KRAS: variants seen among roughly 807,000 people sequenced by gnomAD.
KRAS encodes the protein KRas proto-oncogene, GTPase.
A neutral mutation model predicts 21.0 loss-of-function variants in KRAS; 1 was observed. The ratio of observed to expected loss-of-function variants is 0.05; its 90% confidence interval spans 0.02 to 0.23. The LOEUF is 0.23. Ranked by LOEUF, KRAS falls within the 10% of genes least tolerant of loss-of-function variation. The pLI, the probability that KRAS is intolerant of heterozygous loss-of-function variation, is 1.00. For synonymous variants in KRAS, 67 were observed against 72.5 expected (o/e 0.92, Z 0.39); for missense variants, 107 against 221.8 (o/e 0.48, Z 3.29).
In KRAS at chr12:25,246,059, A is replaced by C. The variant is rs547507658; in HGVS notation, c.-11-664T>G. Among the ~76,000 whole-genome samples, 6 of 150,728 alleles carry C rather than the reference A, an allele frequency of 4.0e-5. No individual in the cohort carries two copies. In the South Asian group the frequency reaches 6.3e-4, roughly 16 times the overall value. ...TTGACGACATTTTAATGTGTGAAAT[A>C]TCTCTGGGGAAAATAGGAGTCCGAG... On this transcript the variant is annotated intron_variant, in intron 1 of 4. Coordinates refer to ENST00000311936, the MANE Select transcript of KRAS (RefSeq NM_004985.5).
rs1024398937 is a variant in KRAS, at chr12:25,205,440, A to C, written c.*4355T>G. On this transcript the variant is annotated 3_prime_UTR_variant, in exon 5 of 5. Coordinates refer to ENST00000311936, the MANE Select transcript of KRAS (RefSeq NM_004985.5). ...AGGTCAGCGCAACCAAATGATGGAA[A>C]ACAACTGGATCACACTGCATATGTC... is the stretch of plus-strand genomic sequence containing the variant. 1 of 214,974 alleles carries C rather than the reference A, an allele frequency of 4.7e-6. No individual in the cohort carries two copies. The highest frequency in any genetic ancestry group is 2.3e-5 in the African/African-American group (1 of 44,356). The allele number at this position is 214,974 out of a possible 1,614,324, so 13.3% of individuals were successfully genotyped here.
chr12:25,217,172 G>A (rs1337271160), intron 4 of KRAS, among the ~76,000 whole-genome samples: 1 of 152,146 alleles, frequency 6.6e-6, no homozygotes, highest in Non-Finnish European at 1.5e-5. Flanking sequence ...CAGAGAATTG[G>A]CAACTAAGTA....
intron 4 of KRAS, 39 bp from the exon 5 acceptor site, chr12:25,209,950 G>A (rs1016817848): frequency 1.5e-5 from 23 of 1,502,654 alleles, no homozygotes; most frequent in Middle Eastern, 3.4e-4. Context: ...GAATATATAC[G>A]ATGGCTTCAT....
chr12:25,221,310 A>G (rs1428783808), intron 4 of KRAS, among the ~76,000 whole-genome samples: 1 of 149,600 alleles, frequency 6.7e-6, no homozygotes, highest in Non-Finnish European at 1.5e-5. Context: ...TGGGCTCACT[A>G]CAGCCTCTGC....
Position 25,245,228 on chromosome 12 carries a change from A to C in KRAS, c.111+46T>G, listed in dbSNP as rs199716819. On this transcript the variant is annotated intron_variant, in intron 2 of 4. Transcript: ENST00000311936. ...GTCAGAGAAACCTTTATCTGTATCAAAGAATGGTCCTGCACCAGTAATATG... is the reference window on the plus strand; with the variant it reads ...GTCAGAGAAACCTTTATCTGTATCACAGAATGGTCCTGCACCAGTAATATG... 2.4e-3 allele frequency: 3,716 copies of C among 1,558,012 alleles called. 7 individuals carry two copies. The highest frequency in any genetic ancestry group is 2.8e-3 in the Non-Finnish European group (3,225 of 1,146,600).
chr12:25,246,147 C>CAAA (rs35617676), intron 1 of KRAS, among the ~76,000 whole-genome samples: 39 of 84,390 alleles, frequency 4.6e-4, no homozygotes, highest in African/African-American at 8.2e-4. Context: ...GACTCCGTCT[C>CAAA]AAAAAAAAAA....
intron 2 of KRAS, among the ~76,000 whole-genome samples, chr12:25,241,684 A>G (rs1482164414): frequency 6.6e-6 from 1 of 152,174 alleles, no homozygotes; most frequent in Non-Finnish European, 1.5e-5. Context: ...TTTCCCGTGC[A>G]CTGCAGGAAG....
At chr12:25,232,904 T>C (rs1308961152) in intron 2 of KRAS, among the ~76,000 whole-genome samples, 1 of 152,188 alleles carries the variant, frequency 6.6e-6, no homozygotes, top group East Asian at 1.9e-4. Context: ...TCTAAAGTCA[T>C]TCAAATGTTC....
intron 3 of KRAS, among the ~76,000 whole-genome samples, 172 bp from the exon 4 acceptor site, chr12:25,225,945 T>C (rs1951387169): frequency 6.6e-6 from 1 of 152,168 alleles, no homozygotes; most frequent in Admixed American, 6.5e-5. Context: ...TCTTTACCTT[T>C]TTAAACAGAA....
intron 4 of KRAS, among the ~76,000 whole-genome samples, chr12:25,217,885 C>A (rs373346531): frequency 1.3e-5 from 2 of 152,176 alleles, no homozygotes; most frequent in African/African-American, 4.8e-5. Flanking sequence ...CAGAGCAAGA[C>A]CCTGTCTCTA....
At chr12:25,217,135 A>C (rs756272423) in intron 4 of KRAS, among the ~76,000 whole-genome samples, 17 of 152,186 alleles carry the variant, frequency 1.1e-4, no homozygotes, top group Non-Finnish European at 1.6e-4. Context: ...CACCAGTACC[A>C]TTTGCAGTTT....
At position 25,214,634 on chromosome 12, in the gene KRAS, C is replaced by A. The variant is rs189238832; in HGVS notation, c.451-4723G>T. Among the ~76,000 whole-genome samples, 72 of 152,148 alleles carry A rather than the reference C, an allele frequency of 4.7e-4. 1 individual carries two copies. The highest frequency in any genetic ancestry group is 6.9e-4 in the Non-Finnish European group (47 of 67,978). ...GAACTCCTGACCTCAGGTGATCACC[C>A]GCCTAGGCCTCCCAAAGTGCTGGGA... On this transcript the variant is annotated intron_variant, in intron 4 of 4. Coordinates refer to ENST00000311936, the MANE Select transcript of KRAS (RefSeq NM_004985.5).
intron 4 of KRAS, among the ~76,000 whole-genome samples, chr12:25,221,234 CTTT>C (rs34499686): frequency 1.4e-5 from 2 of 138,820 alleles, no homozygotes. Flanking sequence ...CAGCCACAGC[CTTT>C]TTTTTTTTTT....
intron 3 of KRAS, among the ~76,000 whole-genome samples, chr12:25,226,545 ATACAG>A (rs1951394313): frequency 6.6e-6 from 1 of 152,198 alleles, no homozygotes; most frequent in African/African-American, 2.4e-5. Flanking sequence ...TTACTAGACT[ATACAG>A]TAAACATGCT....
chr12:25,249,988 G>A (rs920820782), intron 1 of KRAS, among the ~76,000 whole-genome samples: 1 of 152,170 alleles, frequency 6.6e-6, no homozygotes, highest in African/African-American at 2.4e-5. Context: ...TACGTGTAGG[G>A]TGTTGGCCAC....
chr12:25,209,988 G>T, intron 4 of KRAS, 77 bp from the exon 5 acceptor site: 1 of 1,033,824 alleles, frequency 9.7e-7, no homozygotes, highest in Non-Finnish European at 1.4e-6. Context: ...TTCATTAATG[G>T]AAAAAATATT....
intron 2 of KRAS, 117 bp from the exon 3 acceptor site, chr12:25,227,529 A>C: frequency 1.1e-6 from 1 of 873,220 alleles, no homozygotes. Flanking sequence ...GGACTTGAAA[A>C]GACATTGTTC....
chr12:25,206,239 T>TA lies in KRAS; in HGVS notation c.*3555dup, dbSNP rs1412597997. On this transcript the variant is annotated 3_prime_UTR_variant, in exon 5 of 5. Coordinates refer to ENST00000311936, the MANE Select transcript of KRAS (RefSeq NM_004985.5). ...TGGTGACAACAGTTTTGATAACCTA[T>TA]AAAAGTTAGGTTCTAAATTCCTATG... 6 of 213,028 alleles carry TA rather than the reference T, an allele frequency of 2.8e-5. No individual in the cohort carries two copies. Among genetic ancestry groups the TA allele is most frequent in the Non-Finnish European group, 2.8e-5 (3 of 105,286 alleles). The allele number at this position is 213,028 out of a possible 1,614,324, so 13.2% of individuals were successfully genotyped here. A position where few individuals can be genotyped will look rare whatever the true frequency, so the allele number is the denominator to read the frequency against.
At chr12:25,244,829 G>A (rs565427178) in intron 2 of KRAS, among the ~76,000 whole-genome samples, 18 of 152,096 alleles carry the variant, frequency 1.2e-4, no homozygotes, top group African/African-American at 3.6e-4. Flanking sequence ...GTTCTCTAAT[G>A]TTGAGAAGAA....
Sources: allele counts gnomAD v4.1 joint callset (sites outside exome capture counted in the v4.1 genomes callset), GRCh38; gene constraint gnomAD v4.1.1; transcripts MANE v1.5; gene names NCBI Gene and HGNC (gene_info 2026-07-23, HGNC 2026-07-21).